Variants in CLSTN2 observed in about 807,000 individuals in gnomAD.
The protein encoded by CLSTN2 is calsyntenin 2.
CLSTN2 carries 48 observed loss-of-function variants against 101.2 expected under a neutral mutation model. The ratio of observed to expected loss-of-function variants is 0.47; its 90% CI spans 0.38 to 0.60. The LOEUF is 0.60. CLSTN2 is among the 20% of genes least tolerant of loss of function. The probability of loss-of-function intolerance (pLI) is 0.00; values close to 1 mark genes in which losing one functional copy is unlikely to be tolerated. For synonymous variants in CLSTN2, 481 were observed against 463.6 expected (o/e 1.04, Z -0.48); for missense variants, 1,160 against 1,238.2 (o/e 0.94, Z 0.95).
chr3:140,462,554 A>G (rs905093006), intron 7 of CLSTN2, among the ~76,000 whole-genome samples: 13 of 152,250 alleles, frequency 8.5e-5, no homozygotes, highest in Admixed American at 3.9e-4. Context: ...TGTACTAAGT[A>G]AAACTTACTA....
rs535139937 is a variant in CLSTN2 at position 140,066,427 on chromosome 3, G to T, written c.110-109524G>T. ...GCTCCAGTATTAGAGGAAAGGCTTG[G>T]GTAGCCAATGACCCTGTGAAAGAAG... On this transcript the variant is annotated intron_variant, in intron 1 of 16. Coordinates refer to ENST00000458420, the MANE Select transcript of CLSTN2 (RefSeq NM_022131.3). Among the ~76,000 whole-genome samples, 3 of 152,278 alleles carry T rather than the reference G, an allele frequency of 2.0e-5. No homozygotes were observed. In the South Asian group the frequency reaches 6.2e-4, roughly 32 times the overall value.
chr3:139,999,947 C>T (rs939541758), intron 1 of CLSTN2, among the ~76,000 whole-genome samples: 7 of 109,294 alleles, frequency 6.4e-5, no homozygotes, highest in African/African-American at 2.6e-4. Context: ...GGCGTGAAAC[C>T]TTGTCTCAAA....
At chr3:140,247,097 A>T (rs1273663062) in intron 2 of CLSTN2, among the ~76,000 whole-genome samples, 1 of 152,040 alleles carries the variant, frequency 6.6e-6, no homozygotes, top group Admixed American at 6.6e-5. Flanking sequence ...CCATTGAGAG[A>T]TGGGCTTTGG....
intron 1 of CLSTN2, among the ~76,000 whole-genome samples, chr3:140,112,788 C>G (rs1167186086): frequency 1.3e-5 from 2 of 152,070 alleles, no homozygotes; most frequent in Non-Finnish European, 2.9e-5. Context: ...TAGGCAAATC[C>G]TGCTTGTTGA....
intron 1 of CLSTN2, among the ~76,000 whole-genome samples, chr3:140,015,689 T>C (rs73225002): frequency 9.2e-5 from 14 of 152,360 alleles, no homozygotes; most frequent in Non-Finnish European, 1.9e-4. Flanking sequence ...TTGATTTACC[T>C]GTTTATTTGA....
At chr3:140,431,163 G>A (rs2088624555) in intron 5 of CLSTN2, among the ~76,000 whole-genome samples, 1 of 152,198 alleles carries the variant, frequency 6.6e-6, no homozygotes, top group South Asian at 2.1e-4. Flanking sequence ...CCTAAGAGGT[G>A]CCACAACTTT....
At chr3:140,247,061 T>G (rs1214914648) in intron 2 of CLSTN2, among the ~76,000 whole-genome samples, 1 of 152,108 alleles carries the variant, frequency 6.6e-6, no homozygotes, top group African/African-American at 2.4e-5. Flanking sequence ...GTTTATGAAG[T>G]CTCCTCTTCT....
intron 1 of CLSTN2, among the ~76,000 whole-genome samples, chr3:139,963,230 C>CT (rs1935540897): frequency 6.6e-6 from 1 of 152,094 alleles, no homozygotes; most frequent in Non-Finnish European, 1.5e-5. Context: ...TGGAGCCTTA[C>CT]TTTTGCTCTA....
chr3:140,302,774 G>C (rs2087072751), intron 2 of CLSTN2, among the ~76,000 whole-genome samples: 1 of 152,150 alleles, frequency 6.6e-6, no homozygotes, highest in Admixed American at 6.5e-5. Flanking sequence ...ATAGAAGAAT[G>C]CTCCACTTTG....
At chr3:140,354,101 A>G (rs2087639806) in intron 2 of CLSTN2, among the ~76,000 whole-genome samples, 1 of 152,246 alleles carries the variant, frequency 6.6e-6, no homozygotes, top group South Asian at 2.1e-4. Context: ...AACTAGGCTC[A>G]GAACCTTGAA....
intron 2 of CLSTN2, among the ~76,000 whole-genome samples, chr3:140,240,350 C>CAT (rs2086456756): frequency 7.5e-6 from 1 of 133,116 alleles, no homozygotes; most frequent in Non-Finnish European, 1.6e-5. Context: ...AAAATACTAC[C>CAT]ATATAGTACT....
At chr3:140,089,973 T>A (rs1261258374) in intron 1 of CLSTN2, among the ~76,000 whole-genome samples, 3 of 59,974 alleles carry the variant, frequency 5.0e-5, no homozygotes, top group African/African-American at 3.1e-4. Context: ...AGGATTGGCT[T>A]TTTTTTTTTT....
chr3:140,445,246 T>A (rs1933050052), intron 5 of CLSTN2, among the ~76,000 whole-genome samples: 1 of 152,210 alleles, frequency 6.6e-6, no homozygotes, highest in African/African-American at 2.4e-5. Flanking sequence ...TCCTGGCTTT[T>A]CCCTTCACGA....
In CLSTN2 at chr3:140,003,996, C is replaced by T. The variant is rs552038747; in HGVS notation, c.109+68513C>T. On this transcript the variant is annotated intron_variant, in intron 1 of 16. Transcript: ENST00000458420. ...TCTGATAATTTTTTTGTATGCTCGTCATTGCATATAAAATGTTATGGAGGT... is the reference window on the plus strand; with the variant it reads ...TCTGATAATTTTTTTGTATGCTCGTTATTGCATATAAAATGTTATGGAGGT... Among the ~76,000 whole-genome samples the T allele has an allele frequency of 7.9e-5, 12 of 152,194 alleles. No individual in the cohort carries two copies. The South Asian group carries it at 2.5e-3, about 32-fold the overall frequency.
At chr3:140,296,776 G>C (rs974319623) in intron 2 of CLSTN2, among the ~76,000 whole-genome samples, 2 of 152,158 alleles carry the variant, frequency 1.3e-5, no homozygotes, top group African/African-American at 2.4e-5. Context: ...CATAGCAAAG[G>C]CTATATTGTC....
At chr3:140,556,063 G>T (rs1935784787) in intron 10 of CLSTN2, among the ~76,000 whole-genome samples, 1 of 152,230 alleles carries the variant, frequency 6.6e-6, no homozygotes. Flanking sequence ...AAGCTAAGAA[G>T]ATACGGCATG....
At chr3:140,350,515 C>A (rs1442791058) in intron 2 of CLSTN2, among the ~76,000 whole-genome samples, 2 of 152,142 alleles carry the variant, frequency 1.3e-5, no homozygotes, top group Admixed American at 6.5e-5. Flanking sequence ...AAGTAAAACA[C>A]TGAAGAACAT....
chr3:140,075,671 A>G (rs991426879), intron 1 of CLSTN2, among the ~76,000 whole-genome samples: 4 of 152,294 alleles, frequency 2.6e-5, no homozygotes, highest in African/African-American at 9.6e-5. Context: ...CCTGGTGTCA[A>G]GAAGCTATTA....
chr3:140,166,540 G>A (rs2010137457), intron 1 of CLSTN2, among the ~76,000 whole-genome samples: 1 of 152,188 alleles, frequency 6.6e-6, no homozygotes, highest in Non-Finnish European at 1.5e-5. Flanking sequence ...TTAGGTAAAA[G>A]CATAAAGATT....
Sources: gnomAD v4.1 joint callset for allele counts (sites outside exome capture counted in the v4.1 genomes callset) on GRCh38, gnomAD v4.1.1 for gene constraint, MANE v1.5 for transcripts, NCBI Gene and HGNC (gene_info 2026-07-23, HGNC 2026-07-21) for gene names.